The following INIP variants were observed in gnomAD, a reference collection of about 807,000 sequenced individuals.
INIP encodes the protein INTS3 and NABP interacting protein, also known as SOSS complex subunit C.
Under a neutral mutation model 14.0 loss-of-function variants are expected in INIP, and 9 were observed. The ratio of observed to expected loss-of-function variants is 0.64; its 90% CI spans 0.39 to 1.12. The LOEUF (loss-of-function observed/expected upper bound fraction) is 1.12. Ranked by LOEUF, INIP falls within the 50% of genes most tolerant of loss-of-function variation. The pLI, the probability that INIP is intolerant of heterozygous loss-of-function variation, is 0.01. For missense variants in INIP, 78 were observed against 122.7 expected (o/e 0.64, Z 1.72); for synonymous variants, 37 against 41.5 (o/e 0.89, Z 0.41).
At chr9:112,698,413 C>G (rs1227969182) in intron 2 of INIP, among the ~76,000 whole-genome samples, 1 of 151,960 alleles carries the variant, frequency 6.6e-6, no homozygotes, top group Non-Finnish European at 1.5e-5. Context: ...ATGTCTGCCG[C>G]TCTGAAAACT....
intron 2 of INIP, among the ~76,000 whole-genome samples, chr9:112,696,680 C>T (rs553261400): frequency 9.3e-4 from 142 of 152,338 alleles, no homozygotes; most frequent in Non-Finnish European, 1.9e-3. Context: ...GACTGACTGG[C>T]TGTAAACCGG....
At chr9:112,688,510 G>A (rs1837764485) in intron 4 of INIP, among the ~76,000 whole-genome samples, 1 of 150,952 alleles carries the variant, frequency 6.6e-6, no homozygotes, top group Non-Finnish European at 1.5e-5. Flanking sequence ...AAAAAAGACT[G>A]TTTTTAAGTC....
intron 2 of INIP, among the ~76,000 whole-genome samples, chr9:112,715,281 A>G (rs1011296049): frequency 4.6e-5 from 7 of 152,106 alleles, no homozygotes; most frequent in African/African-American, 1.7e-4. Context: ...TCAGTGAGTG[A>G]GTTGTGAGTG....
chr9:112,693,028 C>CAAA (rs1223728146), intron 3 of INIP, among the ~76,000 whole-genome samples: 1,226 of 85,122 alleles, frequency 0.014, 24 homozygotes, highest in African/African-American at 0.041. Flanking sequence ...GACCCTGTCT[C>CAAA]AAAAAAAAAA....
rs1212105775 is a variant in INIP at position 112,687,498 on chromosome 9, T to C, written c.*40A>G. The C allele has an allele frequency of 3.2e-6, 4 of 1,254,228 alleles. No individual in the cohort carries two copies. The East Asian group carries it at 9.3e-5, about 29-fold the overall frequency. The allele number at this position is 1,254,228 out of a possible 1,614,324, so 77.7% of individuals were successfully genotyped here. A position where few individuals can be genotyped will look rare whatever the true frequency, so the allele number is the denominator to read the frequency against. ...CACTGAATGATAGTAGCTTTGGCAT[T>C]TGATATTACAAAGTCACTTTTCCAT... On this transcript the variant is annotated 3_prime_UTR_variant, in exon 5 of 5. Transcript: ENST00000374242.
At chr9:112,695,381 T>C (rs1468664632) in intron 2 of INIP, among the ~76,000 whole-genome samples, 1 of 151,134 alleles carries the variant, frequency 6.6e-6, no homozygotes, top group Non-Finnish European at 1.5e-5. Context: ...CTCCTAAGGG[T>C]ACCCACATGA....
intron 2 of INIP, among the ~76,000 whole-genome samples, chr9:112,715,309 C>T (rs370855834): frequency 1.6e-4 from 24 of 152,286 alleles, no homozygotes; most frequent in African/African-American, 5.8e-4. Flanking sequence ...AAGTCTAGGA[C>T]ATTACTATAT....
chr9:112,697,371 T>C (rs985890010), intron 2 of INIP, among the ~76,000 whole-genome samples: 1 of 152,194 alleles, frequency 6.6e-6, no homozygotes, highest in African/African-American at 2.4e-5. Context: ...ACTAGGTTGT[T>C]TGGACCTGAC....
intron 2 of INIP, among the ~76,000 whole-genome samples, chr9:112,697,300 G>A (rs943255711): frequency 6.6e-6 from 1 of 152,214 alleles, no homozygotes; most frequent in South Asian, 2.1e-4. Flanking sequence ...CTTGAGGCCA[G>A]GAGTTCAAGA....
At chr9:112,691,023 T>C (rs866348132) in intron 3 of INIP, among the ~76,000 whole-genome samples, 21 of 152,238 alleles carry the variant, frequency 1.4e-4, no homozygotes, top group Non-Finnish European at 2.4e-4. Context: ...GATACCCAAA[T>C]GTTTATGCCA....
intron 2 of INIP, among the ~76,000 whole-genome samples, chr9:112,706,330 C>T (rs1838467079): frequency 6.6e-6 from 1 of 152,152 alleles, no homozygotes; most frequent in African/African-American, 2.4e-5. Flanking sequence ...CTCACTGAAG[C>T]CTCAAATCCC....
At chr9:112,697,692 G>A (rs1322320205) in intron 2 of INIP, among the ~76,000 whole-genome samples, 1 of 152,160 alleles carries the variant, frequency 6.6e-6, no homozygotes, top group Non-Finnish European at 1.5e-5. Context: ...CATGGTCAAT[G>A]ACCAAATATG....
chr9:112,693,096 T>A (rs553497940), intron 3 of INIP, among the ~76,000 whole-genome samples: 8 of 151,616 alleles, frequency 5.3e-5, no homozygotes, highest in Non-Finnish European at 8.8e-5. Flanking sequence ...CTAGTTAGAA[T>A]GTTTACAATT....
chr9:112,713,365 G>A (rs1838705780), intron 2 of INIP, among the ~76,000 whole-genome samples: 1 of 152,116 alleles, frequency 6.6e-6, no homozygotes, highest in African/African-American at 2.4e-5. Flanking sequence ...TACAAAGAGA[G>A]CTCTCTTCAG....
chr9:112,704,131 A>C (rs571306066), intron 2 of INIP, among the ~76,000 whole-genome samples: 2 of 152,354 alleles, frequency 1.3e-5, no homozygotes, highest in South Asian at 4.1e-4. Context: ...TAAGCCAAAC[A>C]GTTCCAAAAA....
At position 112,701,061 on chromosome 9, in the gene INIP, C is replaced by T. The variant is rs143854031; in HGVS notation, c.26-6828G>A. Reference sequence around the variant, plus strand: ...AGCCCACTGGCCAGGAACGGTGGCTCATGCCTGTAATCCTAGCACTTTGGG... The same window carrying T: ...AGCCCACTGGCCAGGAACGGTGGCTTATGCCTGTAATCCTAGCACTTTGGG... On this transcript the variant is annotated intron_variant, in intron 2 of 4. Coordinates refer to ENST00000374242, the MANE Select transcript of INIP (RefSeq NM_021218.3). Among the ~76,000 whole-genome samples the T allele has an allele frequency of 6.8e-4, 103 of 152,340 alleles. No individual in the cohort carries two copies. In the East Asian group the frequency reaches 0.018, roughly 26 times the overall value.
chr9:112,706,045 C>T (rs138142174), intron 2 of INIP, among the ~76,000 whole-genome samples: 8 of 152,102 alleles, frequency 5.3e-5, no homozygotes, highest in African/African-American at 1.9e-4. Context: ...AATCCAGGAT[C>T]GGAGACAGGC....
intron 2 of INIP, among the ~76,000 whole-genome samples, chr9:112,696,179 A>T (rs113902785): frequency 0.022 from 3,346 of 152,228 alleles, 120 homozygotes; most frequent in African/African-American, 0.074. Context: ...GGTGTGAGCA[A>T]CTGAGCTAAG....
intron 2 of INIP, among the ~76,000 whole-genome samples, chr9:112,703,277 T>C (rs1838355353): frequency 6.6e-6 from 1 of 152,216 alleles, no homozygotes; most frequent in African/African-American, 2.4e-5. Context: ...GATTTAGTAA[T>C]GTTAAACTGG....
Sources: allele counts gnomAD v4.1 joint callset (sites outside exome capture counted in the v4.1 genomes callset), GRCh38; gene constraint gnomAD v4.1.1; transcripts MANE v1.5; gene names NCBI Gene and HGNC (gene_info 2026-07-23, HGNC 2026-07-21).